ITGB8: variants seen among roughly 807,000 people sequenced by gnomAD.
ITGB8 encodes integrin beta-8.
In ITGB8, 30 loss-of-function variants were observed where a neutral mutation model predicts 89.5. The ratio of observed to expected loss-of-function variants is 0.34; its 90% CI spans 0.25 to 0.45. The LOEUF (loss-of-function observed/expected upper bound fraction) is 0.45. ITGB8 is among the 20% of genes least tolerant of loss of function. The pLI, the probability that ITGB8 is intolerant of heterozygous loss-of-function variation, is 1.00. For missense variants in ITGB8, 836 were observed against 933.3 expected (o/e 0.90, Z 1.36); for synonymous variants, 335 against 320.4 (o/e 1.05, Z -0.49).
At chr7:20,374,704 G>A (rs1308176844) in intron 3 of ITGB8, among the ~76,000 whole-genome samples, 1 of 152,090 alleles carries the variant, frequency 6.6e-6, no homozygotes, top group Non-Finnish European at 1.5e-5. Flanking sequence ...CCACAGGCAG[G>A]GCACAGGAGT....
chr7:20,397,393 T>C (rs1231452027), intron 8 of ITGB8, among the ~76,000 whole-genome samples: 2 of 152,054 alleles, frequency 1.3e-5, no homozygotes, highest in Non-Finnish European at 2.9e-5. Flanking sequence ...ACCCGGCTAA[T>C]TTTTGTATTT....
chr7:20,367,252 C>T, intron 3 of ITGB8, 66 bp downstream of exon 3: 3 of 1,221,160 alleles, frequency 2.5e-6, no homozygotes, highest in Non-Finnish European at 3.6e-6. Context: ...CTTTAATTTG[C>T]TCATTTTTAA....
intron 1 of ITGB8, among the ~76,000 whole-genome samples, chr7:20,362,739 A>C (rs1169526526): frequency 2.0e-5 from 3 of 152,236 alleles, no homozygotes; most frequent in African/African-American, 7.2e-5. Flanking sequence ...CTTATGTTAA[A>C]GAATAGACTG....
Position 20,404,718 on chromosome 7 carries a change from G to A in ITGB8, c.1778G>A (p.Cys593Tyr). ...CQCPSAAAQH[C>Y]VNSKGQVCSG... ...TGCCCTTCAGCAGCAGCCCAGCACT[G>A]TGTCAATTCAAAGGGCCAAGTGTGC... Residue 593 changes from cysteine to tyrosine, a missense_variant, in exon 11 of 14, where the codon TGT (cysteine) becomes TAT (tyrosine). This residue lies in a region of ITGB8 where 422 missense variants were observed against 416.9 expected (regional missense o/e 1.01). Transcript: ENST00000222573. 1 of 1,614,202 alleles carries A rather than the reference G, an allele frequency of 6.2e-7. No homozygotes were observed. The highest frequency in any genetic ancestry group is 8.5e-7 in the Non-Finnish European group (1 of 1,180,032).
In ITGB8 at chr7:20,379,969, C is replaced by A. The variant is rs138929970; in HGVS notation, c.635+672C>A. On this transcript the variant is annotated intron_variant, in intron 4 of 13. Coordinates refer to ENST00000222573, the MANE Select transcript of ITGB8 (RefSeq NM_002214.3). ...CTGTGGAATTTTCAGAAAAATAAAT[C>A]TGTATGGATCTTTTTTCACAAAAGA... 69 of 152,264 alleles carry A rather than the reference C, an allele frequency of 4.5e-4. 1 individual carries two copies. The highest frequency in any genetic ancestry group is 1.6e-3 in the African/African-American group (68 of 41,556). 9.4% of individuals were successfully genotyped at this position (152,264 alleles called of 1,614,324 possible).
At chr7:20,372,152 G>A (rs893042799) in intron 3 of ITGB8, among the ~76,000 whole-genome samples, 12 of 152,032 alleles carry the variant, frequency 7.9e-5, no homozygotes, top group Non-Finnish European at 1.5e-4. Flanking sequence ...TCTTTTAAAT[G>A]TCTTGCTCTT....
At chr7:20,406,309 G>A (rs533680567) in intron 12 of ITGB8, 138 bp downstream of exon 12, 3 of 592,304 alleles carry the variant, frequency 5.1e-6, no homozygotes, top group Non-Finnish European at 9.1e-6. Flanking sequence ...CCAGCATTTT[G>A]GGAGGCCAAG....
At chr7:20,399,522 A>G (rs1351185654) in intron 9 of ITGB8, among the ~76,000 whole-genome samples, 2 of 151,734 alleles carry the variant, frequency 1.3e-5, no homozygotes, top group African/African-American at 2.4e-5. Flanking sequence ...GGAGGTAGGG[A>G]AATTTATTAA....
At position 20,337,839 on chromosome 7, in the gene ITGB8, C is replaced by T. The variant is rs544859412; in HGVS notation, c.127+5906C>T. 3.0e-4 allele frequency among the ~76,000 whole-genome samples: 46 copies of T among 152,340 alleles called. No homozygotes were observed. In the South Asian group the frequency reaches 9.1e-3, roughly 30 times the overall value. ...TTGCTCAAGTAAAGTCTGTCACCCCCTCTAGATCATCTCCAGAATTCTTAG... is the reference window on the plus strand; with the variant it reads ...TTGCTCAAGTAAAGTCTGTCACCCCTTCTAGATCATCTCCAGAATTCTTAG... On this transcript the variant is annotated intron_variant, in intron 1 of 13. Transcript: ENST00000222573.
At chr7:20,363,224 CAAT>C (rs1785569360) in intron 1 of ITGB8, among the ~76,000 whole-genome samples, 1 of 152,098 alleles carries the variant, frequency 6.6e-6, no homozygotes, top group Non-Finnish European at 1.5e-5. Flanking sequence ...TGTCTATAAA[CAAT>C]AATTTTTGTA....
At chr7:20,393,665 C>T (rs1241067909) in intron 7 of ITGB8, among the ~76,000 whole-genome samples, 1 of 152,184 alleles carries the variant, frequency 6.6e-6, no homozygotes, top group Non-Finnish European at 1.5e-5. Context: ...TCCCTCCAGC[C>T]ATGCTTCTAA....
chr7:20,333,164 G>C (rs550200389), intron 1 of ITGB8, among the ~76,000 whole-genome samples: 2 of 152,194 alleles, frequency 1.3e-5, no homozygotes, highest in Admixed American at 1.3e-4. Context: ...GAGATATATG[G>C]AAACATCCAG....
At chr7:20,335,450 A>G (rs1054728923) in intron 1 of ITGB8, among the ~76,000 whole-genome samples, 4 of 152,202 alleles carry the variant, frequency 2.6e-5, no homozygotes, top group Admixed American at 6.5e-5. Flanking sequence ...TCCCGTGACA[A>G]ATGTTAATTG....
chr7:20,382,783 T>C (rs999249578), intron 6 of ITGB8, among the ~76,000 whole-genome samples: 1 of 152,158 alleles, frequency 6.6e-6, no homozygotes, highest in African/African-American at 2.4e-5. Flanking sequence ...GAGATACATG[T>C]TTCAGTTTTA....
intron 9 of ITGB8, among the ~76,000 whole-genome samples, chr7:20,400,920 A>G (rs1787282166): frequency 6.6e-6 from 1 of 152,186 alleles, no homozygotes; most frequent in Non-Finnish European, 1.5e-5. Context: ...CCTAGAAAAT[A>G]GGAACAAAAT....
intron 3 of ITGB8, among the ~76,000 whole-genome samples, chr7:20,374,154 T>C (rs1019153463): frequency 6.6e-6 from 1 of 152,210 alleles, no homozygotes; most frequent in Non-Finnish European, 1.5e-5. Flanking sequence ...AGCCAGATGA[T>C]ACTCTTTTCC....
intron 6 of ITGB8, among the ~76,000 whole-genome samples, chr7:20,387,295 T>G (rs765972469): frequency 4.6e-5 from 7 of 152,222 alleles, no homozygotes; most frequent in Middle Eastern, 3.2e-3. Context: ...GTGTCCATAG[T>G]AGACTTTAAG....
intron 8 of ITGB8, 53 bp from the exon 9 acceptor site, chr7:20,398,807 T>G (rs1185003006): frequency 2.3e-6 from 3 of 1,324,826 alleles, no homozygotes; most frequent in East Asian, 5.1e-5. Flanking sequence ...TCTGCTTTGT[T>G]GCTGACATTT....
intron 1 of ITGB8, chr7:20,346,551 C>T (rs75329384): frequency 0.13 from 24,082 of 185,522 alleles, 1,956 homozygotes; most frequent in East Asian, 0.33. Flanking sequence ...CTGTCAGTGG[C>T]TGAGGGGCAA....
Sources: gnomAD v4.1 joint callset for allele counts (sites outside exome capture counted in the v4.1 genomes callset) on GRCh38, gnomAD v4.1.1 for gene constraint, gnomAD v4.1.1 regional missense constraint, MANE v1.5 for transcripts, NCBI Gene and HGNC (gene_info 2026-07-23, HGNC 2026-07-21) for gene names.